Variants in COL9A1 observed in about 807,000 individuals in gnomAD.
The protein encoded by COL9A1 is collagen type IX alpha 1 chain.
COL9A1 carries 104 observed loss-of-function variants against 142.6 expected under a neutral mutation model. The ratio of observed to expected loss-of-function variants is 0.73; its 90% confidence interval spans 0.62 to 0.86. COL9A1 has a LOEUF of 0.86. Among genes scored for constraint, COL9A1 ranks in the 40% least tolerant of loss-of-function variants. The probability of loss-of-function intolerance (pLI) is 0.00; values close to 1 mark genes in which losing one functional copy is unlikely to be tolerated. For synonymous variants in COL9A1, 466 were observed against 396.0 expected (o/e 1.18, Z -2.10); for missense variants, 1,210 against 1,176.6 (o/e 1.03, Z -0.42).
chr6:70,233,118 G>T (rs1769663393), intron 35 of COL9A1, among the ~76,000 whole-genome samples: 1 of 152,116 alleles, frequency 6.6e-6, no homozygotes, highest in Non-Finnish European at 1.5e-5. Context: ...TCCCTGCTGG[G>T]TATCTGAAAA....
At chr6:70,279,670 A>AAAAAAAAAAAAAAAAAAAC (rs1554245283) in intron 10 of COL9A1, 2 of 172,210 alleles carry the variant, frequency 1.2e-5, no homozygotes, top group African/African-American at 5.2e-5. Context: ...AAAAAAAAAA[A>AAAAAAAAAAAAAAAAAAAC]CACATACACA....
chr6:70,217,021 C>A lies in COL9A1; in HGVS notation c.2642G>T (p.Gly881Val). The change falls in exon 38 of 38, where the codon GGG (glycine) becomes GTG (valine). Residue 881 changes from glycine (G) to valine (V), a missense_variant. Transcript: ENST00000357250. Reference sequence around the variant, plus strand: ...AGGCACTCCAGGAATTCCTGCCACCCCTGGGGGGCCTCGCTCACCGTCTCG... The same window carrying A: ...AGGCACTCCAGGAATTCCTGCCACCACTGGGGGGCCTCGCTCACCGTCTCG... The part of the protein sequence containing the change: ...NGRDGERGPP[G>V]VAGIPGVPGP... 1.2e-6 allele frequency: 2 copies of A among 1,614,150 alleles called. No individual in the cohort carries two copies. Among genetic ancestry groups the A allele is most frequent in the African/African-American group, 1.3e-5 (1 of 75,044 alleles).
rs1184048468 is a variant in COL9A1, at chr6:70,293,663, ACACACACACAC to A, written c.696+493_696+503del. Reference sequence around the variant, plus strand: ...CACACACACACACACACACACACACACACACACACACATTTTCATATACATATATCATCCAA... The same window carrying A: ...CACACACACACACACACACACACACAATTTTCATATACATATATCATCCAA... On this transcript the variant is annotated intron_variant, in intron 5 of 37. Transcript: ENST00000357250. 4.7e-5 allele frequency among the ~76,000 whole-genome samples: 7 copies of A among 150,430 alleles called. No individual in the cohort carries two copies. The East Asian group carries it at 5.8e-4, about 13-fold the overall frequency.
intron 28 of COL9A1, among the ~76,000 whole-genome samples, chr6:70,250,851 G>T (rs1770894151): frequency 6.6e-6 from 1 of 152,164 alleles, no homozygotes; most frequent in Non-Finnish European, 1.5e-5. Context: ...GGGTTAAACT[G>T]TGTATAGTGA....
chr6:70,218,042 C>G (rs1768636103), intron 37 of COL9A1, among the ~76,000 whole-genome samples: 1 of 152,126 alleles, frequency 6.6e-6, no homozygotes, highest in South Asian at 2.1e-4. Context: ...ACTCAGGAGG[C>G]TGAGGCAGGA....
intron 37 of COL9A1, among the ~76,000 whole-genome samples, chr6:70,221,767 A>G (rs970862110): frequency 6.6e-6 from 1 of 152,188 alleles, no homozygotes; most frequent in African/African-American, 2.4e-5. Flanking sequence ...ATTAATAAAT[A>G]TGTTCCTTTA....
intron 33 of COL9A1, among the ~76,000 whole-genome samples, chr6:70,237,739 A>T (rs1770001554): frequency 6.6e-6 from 1 of 152,232 alleles, no homozygotes; most frequent in Non-Finnish European, 1.5e-5. Context: ...TTCTGTTAAA[A>T]ATTCTTAGGC....
rs1385471460 is a variant in COL9A1 at position 70,271,842 on chromosome 6, T to G, written c.1090-134A>C. On this transcript the variant is annotated intron_variant, in intron 13 of 37. Transcript: ENST00000357250. ...GGTTTCCAATGACACAATAACTCAT[T>G]TGACCAAACTTTAATTACTTAAGAT... The G allele has an allele frequency of 5.0e-6, 5 of 996,036 alleles. No individual in the cohort carries two copies. In the East Asian group the frequency reaches 1.0e-4, roughly 21 times the overall value. 61.7% of individuals were successfully genotyped at this position (996,036 alleles called of 1,614,324 possible).
chr6:70,284,100 T>G (rs1292759697), intron 5 of COL9A1, among the ~76,000 whole-genome samples: 1 of 152,186 alleles, frequency 6.6e-6, no homozygotes, highest in Non-Finnish European at 1.5e-5. Context: ...CAGCACTGAC[T>G]TTCTATTTCT....
At chr6:70,301,027 G>A (rs770040660) in intron 2 of COL9A1, among the ~76,000 whole-genome samples, 12 of 152,070 alleles carry the variant, frequency 7.9e-5, no homozygotes, top group East Asian at 1.9e-4. Flanking sequence ...TAAAAGTCCC[G>A]ACTAGATTAA....
intron 33 of COL9A1, among the ~76,000 whole-genome samples, chr6:70,236,622 A>G (rs955976974): frequency 1.3e-5 from 2 of 152,212 alleles, no homozygotes; most frequent in Non-Finnish European, 2.9e-5. Flanking sequence ...ATCCAAATAA[A>G]GCTCAGCAAA....
intron 33 of COL9A1, among the ~76,000 whole-genome samples, chr6:70,237,453 T>C (rs923841554): frequency 6.6e-6 from 1 of 152,198 alleles, no homozygotes; most frequent in Non-Finnish European, 1.5e-5. Flanking sequence ...TTTCCCCTGA[T>C]TGTGGGACAG....
chr6:70,272,874 A>G (rs1174396053), intron 12 of COL9A1, among the ~76,000 whole-genome samples: 1 of 152,162 alleles, frequency 6.6e-6, no homozygotes, highest in Non-Finnish European at 1.5e-5. Flanking sequence ...TCAGCTGCCT[A>G]GATCTCTATT....
chr6:70,257,382 A>G (rs535777634), intron 20 of COL9A1, among the ~76,000 whole-genome samples: 1 of 152,088 alleles, frequency 6.6e-6, no homozygotes, highest in Non-Finnish European at 1.5e-5. Flanking sequence ...TTAAGTTAAC[A>G]CTGCACCCAT....
chr6:70,276,696 T>C (rs139397102), intron 10 of COL9A1, among the ~76,000 whole-genome samples: 86 of 152,308 alleles, frequency 5.6e-4, no homozygotes, highest in African/African-American at 2.0e-3. Context: ...CCTAACATGT[T>C]GTCCTGGCAT....
intron 37 of COL9A1, among the ~76,000 whole-genome samples, chr6:70,220,566 G>T: frequency 6.7e-6 from 1 of 148,442 alleles, no homozygotes; most frequent in South Asian, 2.1e-4. Context: ...AAATACCAGA[G>T]AAAAAAAAAC....
At chr6:70,217,132 C>T (rs373065340) in intron 37 of COL9A1, 51 bp from the exon 38 acceptor site, 8 of 1,595,740 alleles carry the variant, frequency 5.0e-6, no homozygotes, top group African/African-American at 1.3e-5. Flanking sequence ...CTCATTGATG[C>T]AAACTGGCAG....
intron 37 of COL9A1, among the ~76,000 whole-genome samples, chr6:70,220,565 A>AG (rs1236106302): frequency 1.3e-5 from 2 of 149,798 alleles, no homozygotes; most frequent in African/African-American, 5.0e-5. Flanking sequence ...GAAATACCAG[A>AG]GAAAAAAAAA....
At chr6:70,299,542 T>A (rs1773976110) in intron 4 of COL9A1, among the ~76,000 whole-genome samples, 1 of 152,198 alleles carries the variant, frequency 6.6e-6, no homozygotes, top group Non-Finnish European at 1.5e-5. Flanking sequence ...GGATTTGATG[T>A]CGTTAGTATT....
Sources: allele counts gnomAD v4.1 joint callset (sites outside exome capture counted in the v4.1 genomes callset), GRCh38; gene constraint gnomAD v4.1.1; transcripts MANE v1.5; gene names NCBI Gene and HGNC (gene_info 2026-07-23, HGNC 2026-07-21).